Variants in WT1 observed in about 807,000 individuals in gnomAD.
WT1 encodes Wilms tumor protein.
WT1 carries 8 observed loss-of-function variants against 60.8 expected under a neutral mutation model. The ratio of observed to expected loss-of-function variants is 0.13; its 90% CI spans 0.08 to 0.24. The LOEUF is 0.24. Ranked by LOEUF, WT1 falls within the 10% of genes least tolerant of loss-of-function variation. The pLI is 1.00. For synonymous variants in WT1, 312 were observed against 297.1 expected (o/e 1.05, Z -0.52); for missense variants, 568 against 711.8 (o/e 0.80, Z 2.30).
Position 32,417,532 on chromosome 11 carries a change from G to A in WT1, c.965+45C>T, listed in dbSNP as rs367943429. 1.4e-5 allele frequency: 21 copies of A among 1,537,622 alleles called. No individual in the cohort carries two copies. The African/African-American group carries it at 2.5e-4, about 18-fold the overall frequency. On this transcript the variant is annotated intron_variant, in intron 4 of 9. Coordinates refer to ENST00000452863, the MANE Select transcript of WT1 (RefSeq NM_024426.6). ...AAGCACCTTTGAAATGGTTCAAACA[G>A]GTATAAGTTACTGTGGAAAGGCAAT...
chr11:32,423,294 T>G (rs1327428301), intron 3 of WT1, among the ~76,000 whole-genome samples: 1 of 152,210 alleles, frequency 6.6e-6, no homozygotes, highest in Non-Finnish European at 1.5e-5. Flanking sequence ...ATTCTTTAGG[T>G]GCCTGGGCTG....
intron 5 of WT1, among the ~76,000 whole-genome samples, chr11:32,406,564 G>C (rs927805907): frequency 3.3e-5 from 5 of 152,078 alleles, no homozygotes; most frequent in African/African-American, 1.2e-4. Context: ...GAAAGCACAA[G>C]GCTAACTGAT....
chr11:32,393,703 C>T (rs376534439), intron 7 of WT1, among the ~76,000 whole-genome samples: 1 of 152,236 alleles, frequency 6.6e-6, no homozygotes, highest in African/African-American at 2.4e-5. Context: ...CCATCCCTAT[C>T]TCCACATCGA....
intron 3 of WT1, among the ~76,000 whole-genome samples, chr11:32,422,562 A>ATTTCTG (rs1210716444): frequency 2.6e-5 from 4 of 152,232 alleles, no homozygotes; most frequent in Non-Finnish European, 5.9e-5. Flanking sequence ...CTGTCATCTG[A>ATTTCTG]TTTCTGTCTA....
intron 3 of WT1, among the ~76,000 whole-genome samples, chr11:32,427,391 C>T (rs1853089530): frequency 6.6e-6 from 1 of 152,208 alleles, no homozygotes; most frequent in Admixed American, 6.5e-5. Context: ...AGCAGCCTCC[C>T]CGCAGGGCCC....
At chr11:32,433,268 G>A (rs762594215) in intron 1 of WT1, among the ~76,000 whole-genome samples, 1 of 152,240 alleles carries the variant, frequency 6.6e-6, no homozygotes, top group Non-Finnish European at 1.5e-5. Context: ...AAAGCATAGA[G>A]TGGAGGCAAC....
At chr11:32,401,518 G>A (rs912238396) in intron 5 of WT1, among the ~76,000 whole-genome samples, 1 of 151,634 alleles carries the variant, frequency 6.6e-6, no homozygotes, top group African/African-American at 2.4e-5. Context: ...GGGGGGGTGT[G>A]GTCCGAGAAG....
chr11:32,433,184 A>G (rs1259124688), intron 1 of WT1, among the ~76,000 whole-genome samples: 2 of 152,246 alleles, frequency 1.3e-5, no homozygotes, highest in Non-Finnish European at 2.9e-5. Context: ...CGATCTGATC[A>G]AAGAACACAA....
intron 5 of WT1, among the ~76,000 whole-genome samples, chr11:32,408,511 T>G: frequency 1.6e-5 from 1 of 63,194 alleles, no homozygotes; most frequent in Non-Finnish European, 2.7e-5. Context: ...GGAGACTACG[T>G]CTTAAAAAAA....
chr11:32,389,031 C>T lies in WT1; in HGVS notation c.*27G>A, dbSNP rs1455176857. The T allele has an allele frequency of 6.2e-7, 1 of 1,614,110 alleles. No individual in the cohort carries two copies. Among genetic ancestry groups the T allele is most frequent in the Admixed American group, 1.7e-5 (1 of 60,036 alleles). On this transcript the variant is annotated 3_prime_UTR_variant, in exon 10 of 10. Coordinates refer to ENST00000452863, the MANE Select transcript of WT1 (RefSeq NM_024426.6). Reference sequence around the variant, plus strand: ...AGTTCACACACTGTGCTGCCTGGGACACTGAACGGTCCCCGAGGGAGACCC... The same window carrying T: ...AGTTCACACACTGTGCTGCCTGGGATACTGAACGGTCCCCGAGGGAGACCC...
intron 4 of WT1, 122 bp from the exon 5 acceptor site, chr11:32,416,662 G>A: frequency 7.9e-7 from 1 of 1,266,560 alleles, no homozygotes; most frequent in Non-Finnish European, 1.1e-6. Context: ...TAGCTATCAA[G>A]AGTGCTGAAC....
chr11:32,415,934 G>T (rs1852654118), intron 5 of WT1, among the ~76,000 whole-genome samples: 1 of 152,184 alleles, frequency 6.6e-6, no homozygotes, highest in South Asian at 2.1e-4. Context: ...AGGGCGGCTG[G>T]TTGTGGAGTT....
intron 5 of WT1, among the ~76,000 whole-genome samples, chr11:32,409,040 A>G (rs1852413264): frequency 6.6e-6 from 1 of 152,196 alleles, no homozygotes. Flanking sequence ...CTGTAGCCAC[A>G]GTAAAGTAAT....
At chr11:32,427,263 G>A (rs565946187) in intron 3 of WT1, among the ~76,000 whole-genome samples, 114 of 152,382 alleles carry the variant, frequency 7.5e-4, no homozygotes, top group Admixed American at 1.3e-3. Context: ...AAAAATTTGG[G>A]GGAGAGAAGG....
rs1487439885 is a variant in WT1, at chr11:32,387,797, T to A, written c.*1261A>T. The A allele has an allele frequency of 8.6e-6, 2 of 233,036 alleles. No homozygotes were observed. The highest frequency in any genetic ancestry group is 1.7e-5 in the Non-Finnish European group (2 of 118,006). The allele number at this position is 233,036 out of a possible 1,614,324, so 14.4% of individuals were successfully genotyped here. ...CACTTTCCTTTTGAATAGACTTTAA[T>A]TGAGAGCAAAGTGAAAAATGCAGGT... is the stretch of plus-strand genomic sequence containing the variant. On this transcript the variant is annotated 3_prime_UTR_variant, in exon 10 of 10. Coordinates refer to ENST00000452863, the MANE Select transcript of WT1 (RefSeq NM_024426.6).
intron 3 of WT1, among the ~76,000 whole-genome samples, chr11:32,425,328 G>GA (rs11309547): frequency 2.6e-5 from 4 of 151,866 alleles, no homozygotes; most frequent in Admixed American, 6.6e-5. Flanking sequence ...ACTTTAGAGA[G>GA]AAAAAATGAA....
chr11:32,389,202 G>A (rs2132900300), intron 9 of WT1, 23 bp from the exon 10 acceptor site: 1 of 1,613,882 alleles, frequency 6.2e-7, no homozygotes, highest in Non-Finnish European at 8.5e-7. Flanking sequence ...TTGCCAGTCA[G>A]AGACACTTGC....
At chr11:32,419,638 A>G (rs919448318) in intron 3 of WT1, among the ~76,000 whole-genome samples, 1 of 152,250 alleles carries the variant, frequency 6.6e-6, no homozygotes, top group African/African-American at 2.4e-5. Context: ...TCACAGACTT[A>G]AAGAATAGTC....
Position 32,428,549 on chromosome 11 carries a change from G to T in WT1, c.732C>A (p.Phe244Leu), listed in dbSNP as rs1853144506. ...CCTCATGCTTGAATGAGTGGTTGGG[G>T]AACTGCGCCGCATGGTGCGAGGGCG... The change falls in exon 2 of 10, where the codon TTC becomes TTA. Residue 244 changes from phenylalanine (F) to leucine (L), a missense_variant. Coordinates refer to ENST00000452863, the MANE Select transcript of WT1 (RefSeq NM_024426.6). 6.2e-7 allele frequency: 1 copy of T among 1,613,970 alleles called. No homozygotes were observed. The highest frequency in any genetic ancestry group is 2.2e-5 in the East Asian group (1 of 44,860).
Sources: allele counts gnomAD v4.1 joint callset (sites outside exome capture counted in the v4.1 genomes callset), GRCh38; gene constraint gnomAD v4.1.1; transcripts MANE v1.5; gene names NCBI Gene and HGNC (gene_info 2026-07-23, HGNC 2026-07-21).